Variants in PTPRM observed in about 807,000 individuals in gnomAD.
The protein encoded by PTPRM is protein tyrosine phosphatase receptor type M, also known as receptor-type tyrosine-protein phosphatase mu.
In PTPRM, 47 loss-of-function variants were observed where a neutral mutation model predicts 186.7. The observed-to-expected ratio is 0.25, with a 90% CI of 0.20 to 0.32. The LOEUF is 0.32. PTPRM is among the 10% of genes least tolerant of loss of function. The pLI, the probability that PTPRM is intolerant of heterozygous loss-of-function variation, is 1.00. For missense variants in PTPRM, 1,494 were observed against 1,865.0 expected (o/e 0.80, Z 3.66); for synonymous variants, 668 against 674.9 (o/e 0.99, Z 0.16).
Position 7,567,873 on chromosome 18 carries a change from G to A in PTPRM, c.55G>A (p.Ala19Thr). The A allele has an allele frequency of 3.2e-6, 5 of 1,561,964 alleles. No individual in the cohort carries two copies. Among genetic ancestry groups the A allele is most frequent in the Non-Finnish European group, 3.5e-6 (4 of 1,158,248 alleles). Residue 19 changes from alanine (A) to threonine (T), a missense_variant, in exon 1 of 33, where the codon GCG (alanine) becomes ACG (threonine). Ala to Thr is a moderately conservative substitution (Grantham distance 58). This residue lies in a region of PTPRM where 296 missense variants were observed against 345.5 expected (regional missense o/e 0.86). Coordinates refer to ENST00000580170, the MANE Select transcript of PTPRM (RefSeq NM_001105244.2). The surrounding 1 kb of genome is among the most constrained non-coding windows in gnomAD (Gnocchi z 4.3). ...TTTGGCCGGACTTTTGCTAACTGCGGCGGGCGAGACGTTCTCAGGTAAGCG... is the reference window on the plus strand; with the variant it reads ...TTTGGCCGGACTTTTGCTAACTGCGACGGGCGAGACGTTCTCAGGTAAGCG... ...ATLAGLLLTA[A>T]GETFSGGCLF...
intron 20 of PTPRM, among the ~76,000 whole-genome samples, chr18:8,310,279 C>T (rs896556159): frequency 2.0e-5 from 3 of 151,740 alleles, no homozygotes; most frequent in African/African-American, 7.3e-5. Flanking sequence ...ATTGTCTCCC[C>T]ACTCCCACAG....
At chr18:8,240,204 C>T (rs1406468956) in intron 14 of PTPRM, among the ~76,000 whole-genome samples, 2 of 152,092 alleles carry the variant, frequency 1.3e-5, no homozygotes, top group Non-Finnish European at 2.9e-5. Context: ...CTTGATGTAA[C>T]CCTTTCAGCC....
chr18:7,653,118 T>TTTATTATTATTATTATTA (rs150577417), intron 1 of PTPRM, among the ~76,000 whole-genome samples: 2 of 145,506 alleles, frequency 1.4e-5, no homozygotes, highest in African/African-American at 5.1e-5. Flanking sequence ...CACTATGTAC[T>TTTATTATTATTATTATTA]TTATTATTAT....
At chr18:8,237,375 T>C (rs1439165935) in intron 14 of PTPRM, among the ~76,000 whole-genome samples, 2 of 151,682 alleles carry the variant, frequency 1.3e-5, no homozygotes, top group African/African-American at 4.8e-5. Flanking sequence ...TTCTTCTCTC[T>C]GAAGAACTTT....
chr18:8,016,551 A>G (rs929627791), intron 7 of PTPRM, among the ~76,000 whole-genome samples: 4 of 151,046 alleles, frequency 2.6e-5, no homozygotes, highest in African/African-American at 7.4e-5. Context: ...AAAAAAGAAA[A>G]AAAAGAAAAG....
chr18:8,227,034 T>C (rs2094221954), intron 14 of PTPRM, among the ~76,000 whole-genome samples: 1 of 152,226 alleles, frequency 6.6e-6, no homozygotes, highest in Non-Finnish European at 1.5e-5. Flanking sequence ...ATAATCTTCC[T>C]TTTTTAAAGT....
intron 7 of PTPRM, among the ~76,000 whole-genome samples, chr18:8,015,588 G>A (rs905150268): frequency 6.6e-6 from 1 of 152,100 alleles, no homozygotes; most frequent in African/African-American, 2.4e-5. Flanking sequence ...ACTTTGATAG[G>A]GCTTACTATA....
intron 20 of PTPRM, among the ~76,000 whole-genome samples, chr18:8,303,454 T>C (rs1429270735): frequency 6.6e-6 from 1 of 152,208 alleles, no homozygotes; most frequent in Non-Finnish European, 1.5e-5. Context: ...TTCTCTCTGC[T>C]AATTGAGTGA....
chr18:8,181,605 C>T (rs1361133250), intron 14 of PTPRM, among the ~76,000 whole-genome samples: 3 of 152,170 alleles, frequency 2.0e-5, no homozygotes, highest in Non-Finnish European at 4.4e-5. Flanking sequence ...GTACTTCTGC[C>T]GGAGTTAATA....
intron 32 of PTPRM, chr18:8,405,167 GA>G (rs61701081): frequency 0.14 from 13,045 of 90,652 alleles, 795 homozygotes; most frequent in East Asian, 0.36. Flanking sequence ...TTCTTAAAAA[GA>G]AAAAAAAAAA....
rs1401675773 is a variant in PTPRM at position 8,126,008 on chromosome 18, TATATATATATATATATA to T, written c.2167+11182_2167+11198del. Among the ~76,000 whole-genome samples the T allele has an allele frequency of 2.6e-3, 58 of 22,512 alleles. 3 individuals carry two copies. The highest frequency in any genetic ancestry group is 0.014 in the Admixed American group (18 of 1,272). 14.8% of individuals were successfully genotyped at this position (22,512 alleles called of 152,430 possible). ...ATATATATATATATATATATATATA[TATATATATATATATATA>T]TATTTTAAATCAGTAGACCTTTCCA... is the stretch of plus-strand genomic sequence containing the variant. On this transcript the variant is annotated intron_variant, in intron 13 of 32. Transcript: ENST00000580170.
intron 3 of PTPRM, among the ~76,000 whole-genome samples, chr18:7,899,103 T>C (rs1348248943): frequency 1.3e-5 from 2 of 152,202 alleles, no homozygotes; most frequent in Admixed American, 1.3e-4. Flanking sequence ...CATCTTAGCG[T>C]CCTTGCACTC....
At chr18:7,629,574 T>C (rs550461766) in intron 1 of PTPRM, among the ~76,000 whole-genome samples, 45 of 152,286 alleles carry the variant, frequency 3.0e-4, no homozygotes, top group Non-Finnish European at 2.9e-5. Context: ...TGAAATGTTT[T>C]AGGAACTGAA....
At chr18:8,011,617 C>T (rs2084532581) in intron 7 of PTPRM, among the ~76,000 whole-genome samples, 2 of 152,154 alleles carry the variant, frequency 1.3e-5, no homozygotes, top group African/African-American at 4.8e-5. Flanking sequence ...TACAATGATT[C>T]CCTACTCCTG....
intron 1 of PTPRM, among the ~76,000 whole-genome samples, chr18:7,646,927 A>G (rs2038579141): frequency 6.6e-6 from 1 of 151,144 alleles, no homozygotes; most frequent in Admixed American, 6.6e-5. Flanking sequence ...GAGGTGGGGG[A>G]TGGTTGGAGG....
chr18:8,368,994 A>T (rs147800759), intron 23 of PTPRM, among the ~76,000 whole-genome samples: 3,221 of 152,318 alleles, frequency 0.021, 43 homozygotes, highest in Middle Eastern at 0.041. Flanking sequence ...GCTCACATCT[A>T]TGGAGGAGTC....
chr18:7,872,456 G>C (rs1446603443), intron 2 of PTPRM, among the ~76,000 whole-genome samples: 4 of 151,944 alleles, frequency 2.6e-5, no homozygotes, highest in Non-Finnish European at 5.9e-5. Flanking sequence ...GTGTGTTTAT[G>C]GGTACCTGGT....
At chr18:8,165,869 T>C (rs922199861) in intron 14 of PTPRM, among the ~76,000 whole-genome samples, 1 of 152,184 alleles carries the variant, frequency 6.6e-6, no homozygotes, top group Admixed American at 6.5e-5. Context: ...TGGGCTTGAT[T>C]TTTTTTAAAT....
chr18:7,730,764 G>A (rs147925279), intron 1 of PTPRM, among the ~76,000 whole-genome samples: 2 of 152,208 alleles, frequency 1.3e-5, no homozygotes, highest in Admixed American at 6.5e-5. Flanking sequence ...AGCTCACTTC[G>A]AAGTCCAAAA....
Sources: gnomAD v4.1 joint callset for allele counts (sites outside exome capture counted in the v4.1 genomes callset) on GRCh38, gnomAD v4.1.1 for gene constraint, gnomAD v4.1.1 regional missense constraint, Gnocchi (gnomAD v3.1) non-coding constraint, MANE v1.5 for transcripts, NCBI Gene and HGNC (gene_info 2026-07-23, HGNC 2026-07-21) for gene names.